The following NSUN6 variants were observed in gnomAD, a reference collection of about 807,000 sequenced individuals.
The protein encoded by NSUN6 is NOP2/Sun RNA methyltransferase 6.
Under a neutral mutation model 58.0 loss-of-function variants are expected in NSUN6, and 64 were observed. That is an observed-to-expected ratio of 1.10 (90% CI 0.90 to 1.36). The LOEUF (loss-of-function observed/expected upper bound fraction) is 1.36. NSUN6 is among the 40% of genes most tolerant of loss of function. The probability of loss-of-function intolerance (pLI) is 0.00; values close to 1 mark genes in which losing one functional copy is unlikely to be tolerated. For synonymous variants in NSUN6, 231 were observed against 193.9 expected (o/e 1.19, Z -1.59); for missense variants, 701 against 550.1 (o/e 1.27, Z -2.74).
chr10:18,594,074 C>A (rs951365318), intron 7 of NSUN6, among the ~76,000 whole-genome samples: 1 of 151,812 alleles, frequency 6.6e-6, no homozygotes. Context: ...GTGGCATGCA[C>A]CTGTAAGCCC....
At chr10:18,552,008 A>G in intron 8 of NSUN6, 37 bp from the exon 9 acceptor site, 1 of 1,349,856 alleles carries the variant, frequency 7.4e-7, no homozygotes, top group Non-Finnish European at 1.0e-6. Context: ...ACTATCTTCC[A>G]TATAGGTTTA....
intron 7 of NSUN6, among the ~76,000 whole-genome samples, chr10:18,595,026 CA>C (rs896265494): frequency 6.6e-6 from 1 of 152,326 alleles, no homozygotes; most frequent in African/African-American, 2.4e-5. Flanking sequence ...TGGTCCCAAT[CA>C]GGGGAGAACT....
At chr10:18,638,051 T>A (rs2059274640) in intron 3 of NSUN6, among the ~76,000 whole-genome samples, 1 of 152,190 alleles carries the variant, frequency 6.6e-6, no homozygotes, top group South Asian at 2.1e-4. Context: ...ACAACTCTAG[T>A]TTTCACTTGC....
chr10:18,628,067 G>C (rs564140976), intron 3 of NSUN6, among the ~76,000 whole-genome samples: 145 of 152,230 alleles, frequency 9.5e-4, no homozygotes, highest in Non-Finnish European at 1.2e-3. Context: ...ATCTGAGAAC[G>C]GGCAGACTGC....
intron 3 of NSUN6, among the ~76,000 whole-genome samples, chr10:18,634,879 C>A (rs749169050): frequency 6.6e-6 from 1 of 151,996 alleles, no homozygotes; most frequent in Non-Finnish European, 1.5e-5. Context: ...CTGGAGACTG[C>A]GGTTCTTAGA....
chr10:18,594,161 C>T (rs576992182), intron 7 of NSUN6, among the ~76,000 whole-genome samples: 10 of 146,272 alleles, frequency 6.8e-5, no homozygotes, highest in Middle Eastern at 3.3e-3. Flanking sequence ...GACTGGGCCA[C>T]GGTGCACTCC....
intron 8 of NSUN6, among the ~76,000 whole-genome samples, chr10:18,565,687 C>T (rs1169619255): frequency 6.6e-6 from 1 of 151,098 alleles, no homozygotes; most frequent in Non-Finnish European, 1.5e-5. Context: ...TTCTTCCTTC[C>T]ATTCCATTCC....
chr10:18,584,243 T>C (rs548658078), intron 8 of NSUN6, among the ~76,000 whole-genome samples: 13 of 152,294 alleles, frequency 8.5e-5, no homozygotes, highest in African/African-American at 3.1e-4. Context: ...AATTAAACTG[T>C]GTTAGATTAG....
At chr10:18,616,316 G>A in intron 3 of NSUN6, 23 bp from the exon 4 acceptor site, 11 of 1,421,680 alleles carry the variant, frequency 7.7e-6, no homozygotes, top group Non-Finnish European at 9.9e-6. Context: ...GACACAAGAA[G>A]TTTAATAGTA....
At chr10:18,626,525 T>C (rs1232026372) in intron 3 of NSUN6, among the ~76,000 whole-genome samples, 1 of 152,218 alleles carries the variant, frequency 6.6e-6, no homozygotes, top group Non-Finnish European at 1.5e-5. Context: ...CCCAGCACTT[T>C]AGGAGGCTGA....
At chr10:18,610,489 T>C (rs1364952934) in intron 5 of NSUN6, among the ~76,000 whole-genome samples, 1 of 152,216 alleles carries the variant, frequency 6.6e-6, no homozygotes, top group Non-Finnish European at 1.5e-5. Flanking sequence ...TAAGCACAAA[T>C]GTGTTTCTGT....
At chr10:18,595,124 G>C (rs891509025) in intron 7 of NSUN6, among the ~76,000 whole-genome samples, 11 of 152,138 alleles carry the variant, frequency 7.2e-5, no homozygotes, top group Admixed American at 2.0e-4. Flanking sequence ...CCAAGTGAAT[G>C]GGCCCACCCA....
At chr10:18,564,493 A>G (rs1276075526) in intron 8 of NSUN6, among the ~76,000 whole-genome samples, 1 of 141,384 alleles carries the variant, frequency 7.1e-6, no homozygotes, top group Non-Finnish European at 1.5e-5. Flanking sequence ...ATTCCATTCC[A>G]TTCTCCCTTT....
chr10:18,642,483 CA>C lies in NSUN6; in HGVS notation c.303del (p.Ile101MetfsTer25). ...AATGAAGTTCTTACAAACCTGGGTC[CA>C]ATAACAGGAATAAGTAACACATCTT... is the stretch of plus-strand genomic sequence containing the variant. ...DLQDVLLIPV[I>X]GPRKNIKKQQ... On this transcript the variant is annotated frameshift_variant, in exon 3 of 11. Transcript: ENST00000377304. LOFTEE classifies it high-confidence loss of function. 1 of 1,499,354 alleles carries C rather than the reference CA, an allele frequency of 6.7e-7. No homozygotes were observed. The highest frequency in any genetic ancestry group is 9.3e-7 in the Non-Finnish European group (1 of 1,078,148). The allele number at this position is 1,499,354 out of a possible 1,614,324, so 92.9% of individuals were successfully genotyped here. A position where few individuals can be genotyped will look rare whatever the true frequency, so the allele number is the denominator to read the frequency against.
At chr10:18,552,384 G>C (rs918404590) in intron 8 of NSUN6, among the ~76,000 whole-genome samples, 12 of 152,088 alleles carry the variant, frequency 7.9e-5, no homozygotes, top group Admixed American at 7.9e-4. Context: ...CACTGATTCT[G>C]TGTTCCTGAG....
intron 3 of NSUN6, among the ~76,000 whole-genome samples, chr10:18,632,258 G>C (rs1213597088): frequency 1.3e-5 from 2 of 151,118 alleles, no homozygotes; most frequent in African/African-American, 2.4e-5. Flanking sequence ...ATCATTTCAA[G>C]ATGGATTAAA....
At position 18,642,521 on chromosome 10, in the gene NSUN6, T is replaced by G; in HGVS notation, c.266A>C (p.His89Pro). 1 of 1,559,012 alleles carries G rather than the reference T, an allele frequency of 6.4e-7. No homozygotes were observed. The highest frequency in any genetic ancestry group is 8.8e-7 in the Non-Finnish European group (1 of 1,130,554). ...AAGTAACACATCTTGAAGGTCTGGA[T>G]GTTGAAGAATAGGAACACTTAATCC... is the stretch of plus-strand genomic sequence containing the variant. ...FNGLSVPILQ[H>P]PDLQDVLLIP... Residue 89 changes from histidine (H) to proline (P), a missense_variant, in exon 3 of 11, where the codon CAT (histidine) becomes CCT (proline). By Grantham distance (77) the His-to-Pro change is moderately conservative. Transcript: ENST00000377304.
chr10:18,618,682 C>CA (rs35116933), intron 3 of NSUN6, among the ~76,000 whole-genome samples: 2,759 of 51,168 alleles, frequency 0.054, 53 homozygotes, highest in Non-Finnish European at 0.066. Context: ...AACTCCATCT[C>CA]AAAAAAAAAA....
At chr10:18,584,306 TAA>T (rs2057033294) in intron 8 of NSUN6, among the ~76,000 whole-genome samples, 1 of 152,218 alleles carries the variant, frequency 6.6e-6, no homozygotes, top group Non-Finnish European at 1.5e-5. Flanking sequence ...CCTTACCTTA[TAA>T]AAGTTTCCGC....
Sources: allele counts gnomAD v4.1 joint callset (sites outside exome capture counted in the v4.1 genomes callset), GRCh38; gene constraint gnomAD v4.1.1; transcripts MANE v1.5; gene names NCBI Gene and HGNC (gene_info 2026-07-23, HGNC 2026-07-21).